The following CDKL5 variants were observed in gnomAD, a reference collection of about 807,000 sequenced individuals.
CDKL5 encodes cyclin dependent kinase like 5, also known as cyclin-dependent kinase-like 5.
A neutral mutation model predicts 61.7 loss-of-function variants in CDKL5; 8 were observed. The ratio of observed to expected loss-of-function variants is 0.13; its 90% CI spans 0.08 to 0.23. The LOEUF (loss-of-function observed/expected upper bound fraction) is 0.23. CDKL5 is among the 10% of genes least tolerant of loss of function. The pLI, the probability that CDKL5 is intolerant of heterozygous loss-of-function variation, is 1.00. For missense variants in CDKL5, 440 were observed against 734.5 expected, an observed-to-expected ratio of 0.60 and a Z score of 4.63; for synonymous variants, 275 against 272.3, an observed-to-expected ratio of 1.01 and a Z score of -0.10.
rs975647298 is a variant in CDKL5 at position 18,639,784 on chromosome X, C to T, written c.*11027C>T. 4 of 112,182 alleles carry T rather than the reference C, an allele frequency of 3.6e-5. No homozygotes were observed. Among genetic ancestry groups the T allele is most frequent in the African/African-American group, 9.7e-5 (3 of 30,874 alleles). 9.2% of individuals were successfully genotyped at this position (112,182 alleles called of 1,213,427 possible). A position where few individuals can be genotyped will look rare whatever the true frequency, so the allele number is the denominator to read the frequency against. On this transcript the variant is annotated 3_prime_UTR_variant, in exon 18 of 18. Transcript: ENST00000623535. ...ATGAATGGATAAATAACAATGTGCT[C>T]TTGACATGATACTGAACAATGATGT... is the stretch of plus-strand genomic sequence containing the variant.
chrX:18,528,958 T>A (rs1461963880), intron 3 of CDKL5, among the ~76,000 whole-genome samples: 2 of 111,720 alleles, frequency 1.8e-5, no homozygotes, highest in African/African-American at 3.3e-5. Context: ...TTCATTTTTT[T>A]AAATCTACTC....
At chrX:18,454,439 G>A (rs193168043) in intron 1 of CDKL5, among the ~76,000 whole-genome samples, 15 of 109,197 alleles carry the variant, frequency 1.4e-4, no homozygotes, top group Admixed American at 4.0e-4. Flanking sequence ...GTTTCACTGC[G>A]TTGGCCAGGC....
At chrX:18,556,032 A>G (rs989395250) in intron 3 of CDKL5, among the ~76,000 whole-genome samples, 1 of 111,953 alleles carries the variant, frequency 8.9e-6, no homozygotes, top group Non-Finnish European at 1.9e-5. Context: ...AATATCATGG[A>G]TGGTATTTTA....
At chrX:18,506,285 T>C (rs1221353886) in intron 1 of CDKL5, among the ~76,000 whole-genome samples, 1 of 112,170 alleles carries the variant, frequency 8.9e-6, no homozygotes, top group Non-Finnish European at 1.9e-5. Context: ...GTTCCTTTTA[T>C]CAGAGCACCA....
rs1369475911 is a variant in CDKL5 at position 18,645,927 on chromosome X, G to A, written c.2714-80G>A. On this transcript the variant is annotated intron_variant, in intron 19 of 21. Transcript: ENST00000379989. ...TCTGGTCAATGGGATGTGGGCAGAAGTGGCCAATAGAATATGTTTGTGTTC... is the reference window on the plus strand; with the variant it reads ...TCTGGTCAATGGGATGTGGGCAGAAATGGCCAATAGAATATGTTTGTGTTC... 6.7e-6 allele frequency: 8 copies of A among 1,199,107 alleles called. No individual in the cohort carries two copies. In the African/African-American group the frequency reaches 1.2e-4, roughly 19 times the overall value.
intron 1 of CDKL5, among the ~76,000 whole-genome samples, chrX:18,482,128 A>G (rs771717293): frequency 9.0e-6 from 1 of 111,582 alleles, no homozygotes; most frequent in South Asian, 3.8e-4. Flanking sequence ...CAATTTCTGC[A>G]GACTGTAAAT....
At chrX:18,489,907 A>G (rs897317544) in intron 1 of CDKL5, among the ~76,000 whole-genome samples, 8 of 110,823 alleles carry the variant, frequency 7.2e-5, no homozygotes, top group African/African-American at 2.6e-4. Context: ...CCCTCAAAAT[A>G]ATAGTAATTA....
In CDKL5 at chrX:18,525,698, T is replaced by G. The variant is rs1224674170; in HGVS notation, c.99+14844T>G. ...GGATTTGGATTGGGATTGCATTGAA[T>G]CTGCAGATCAAGTTGAGAAGAACTG... On this transcript the variant is annotated intron_variant, in intron 3 of 17. Coordinates refer to ENST00000623535, the MANE Select transcript of CDKL5 (RefSeq NM_001323289.2). 2.7e-5 allele frequency among the ~76,000 whole-genome samples: 3 copies of G among 109,289 alleles called. No individual in the cohort carries two copies. The Admixed American group carries it at 3.0e-4, about 11-fold the overall frequency. 94.9% of individuals were successfully genotyped at this position (109,289 alleles called of 115,157 possible).
At chrX:18,647,456 T>C in intron 20 of CDKL5, 1 of 714,306 alleles carries the variant, frequency 1.4e-6, no homozygotes. Context: ...TTTACCTGTC[T>C]CTGTGGTTCA....
At chrX:18,611,681 C>CA (rs1189619053) in intron 14 of CDKL5, among the ~76,000 whole-genome samples, 3 of 107,141 alleles carry the variant, frequency 2.8e-5, no homozygotes, top group African/African-American at 6.8e-5. Flanking sequence ...ATTTTGATTG[C>CA]AAAAAAAAAT....
intron 1 of CDKL5, chrX:18,457,476 T>G (rs1234967743): frequency 8.9e-6 from 1 of 111,855 alleles, no homozygotes; most frequent in East Asian, 2.8e-4. Context: ...TATATCATTT[T>G]CCACAGGCTG....
chrX:18,460,408 G>A (rs141023919), intron 1 of CDKL5, among the ~76,000 whole-genome samples: 2,284 of 111,994 alleles, frequency 0.02, 42 homozygotes, highest in African/African-American at 0.058. Context: ...ACCAGGCCCC[G>A]CCTCCAACAT....
chrX:18,519,919 CGT>C (rs969799474), intron 3 of CDKL5, among the ~76,000 whole-genome samples: 2 of 111,827 alleles, frequency 1.8e-5, no homozygotes, highest in African/African-American at 6.5e-5. Flanking sequence ...GCTTTATTTT[CGT>C]GTCTCTTTCA....
At chrX:18,569,109 A>G (rs1171978883) in intron 4 of CDKL5, among the ~76,000 whole-genome samples, 1 of 112,037 alleles carries the variant, frequency 8.9e-6, no homozygotes, top group Non-Finnish European at 1.9e-5. Flanking sequence ...TTGGGGATAT[A>G]GACTCCTATT....
At position 18,499,446 on chromosome X, in the gene CDKL5, C is replaced by T. The variant is rs865904023; in HGVS notation, c.-162-7489C>T. Among the ~76,000 whole-genome samples, 54 of 105,986 alleles carry T rather than the reference C, an allele frequency of 5.1e-4. No homozygotes were observed. The Middle Eastern group carries it at 0.033, about 65-fold the overall frequency. The allele number at this position is 105,986 out of a possible 115,157, so 92.0% of individuals were successfully genotyped here. A position where few individuals can be genotyped will look rare whatever the true frequency, so the allele number is the denominator to read the frequency against. ...CTCGATCTCGGCTCACTGTAAGCTCCGCCTCCCGGGTTCATGCCATTCTCC... is the reference window on the plus strand; with the variant it reads ...CTCGATCTCGGCTCACTGTAAGCTCTGCCTCCCGGGTTCATGCCATTCTCC... On this transcript the variant is annotated intron_variant, in intron 1 of 17. Transcript: ENST00000623535.
At position 18,509,245 on chromosome X, in the gene CDKL5, A is replaced by ACACACACACC. The variant is rs796171313; in HGVS notation, c.65-1574_65-1573insACACACACCC. ...CACACACACACACACACACACACAC[A>ACACACACACC]CCCCTGTCAAGCAAACTCTGCATTC... On this transcript the variant is annotated intron_variant, in intron 2 of 17. Coordinates refer to ENST00000623535, the MANE Select transcript of CDKL5 (RefSeq NM_001323289.2). Among the ~76,000 whole-genome samples, 239 of 95,340 alleles carry ACACACACACC rather than the reference A, an allele frequency of 2.5e-3. 10 individuals carry two copies. The highest frequency in any genetic ancestry group is 0.023 in the Admixed American group (183 of 7,978). The allele number at this position is 95,340 out of a possible 115,157, so 82.8% of individuals were successfully genotyped here.
chrX:18,643,911 A>G (rs1400668131), downstream of CDKL5, among the ~76,000 whole-genome samples: 1 of 111,320 alleles, frequency 9.0e-6, no homozygotes, highest in Non-Finnish European at 1.9e-5. Context: ...CACAAAGATT[A>G]ATAGGATGTA....
chrX:18,646,179 T>A (rs1207155273), intron 20 of CDKL5: 2 of 1,158,782 alleles, frequency 1.7e-6, no homozygotes, highest in East Asian at 6.2e-5. Flanking sequence ...TGAGACAGAG[T>A]CTTGCTCTGT....
intron 1 of CDKL5, among the ~76,000 whole-genome samples, chrX:18,437,047 A>G (rs763395711): frequency 2.6e-4 from 29 of 110,882 alleles, no homozygotes; most frequent in African/African-American, 8.8e-4. Flanking sequence ...AACTTGTCCT[A>G]AATCTCCTGG....
Sources: allele counts gnomAD v4.1 joint callset (sites outside exome capture counted in the v4.1 genomes callset), GRCh38; gene constraint gnomAD v4.1.1; transcripts MANE v1.5; gene names NCBI Gene and HGNC (gene_info 2026-07-23, HGNC 2026-07-21).